SCHIP1: variants seen among roughly 807,000 people sequenced by gnomAD.
SCHIP1 encodes the protein schwannomin-interacting protein 1.
Under a neutral mutation model 29.7 loss-of-function variants are expected in SCHIP1, and 8 were observed. The ratio of observed to expected loss-of-function variants is 0.27; its 90% CI spans 0.16 to 0.49. The LOEUF is 0.49. Ranked by LOEUF, SCHIP1 falls within the 20% of genes least tolerant of loss-of-function variation. SCHIP1 has a pLI of 0.99. For missense variants in SCHIP1, 193 were observed against 294.6 expected (o/e 0.66, Z 2.52); for synonymous variants, 76 against 94.9 (o/e 0.80, Z 1.16).
chr3:159,812,513 C>T, the SCHIP1 span, among the ~76,000 whole-genome samples: 27 of 152,190 alleles, frequency 1.8e-4, no homozygotes, highest in African/African-American at 6.3e-4. Context: ...TGGAGAAAAC[C>T]GAATTATTAC....
At chr3:159,510,811 C>T in the SCHIP1 span, among the ~76,000 whole-genome samples, 2 of 152,184 alleles carry the variant, frequency 1.3e-5, no homozygotes, top group Non-Finnish European at 2.9e-5. Flanking sequence ...ATGTTGCTGG[C>T]TGATCGTTCC....
chr3:159,696,912 C>T, the SCHIP1 span, among the ~76,000 whole-genome samples: 1 of 152,192 alleles, frequency 6.6e-6, no homozygotes, highest in African/African-American at 2.4e-5. Flanking sequence ...AGGGCACTGG[C>T]AAGACAGCAA....
At chr3:159,546,627 G>A in the SCHIP1 span, among the ~76,000 whole-genome samples, 26,317 of 152,062 alleles carry the variant, frequency 0.17, 2,538 homozygotes, top group South Asian at 0.35. Context: ...CTGTGTCCAC[G>A]TGTTCTCATT....
chr3:159,764,263 A>G, the SCHIP1 span: 1 of 600,240 alleles, frequency 1.7e-6, no homozygotes, highest in Non-Finnish European at 2.7e-6. The surrounding 1 kb of genome is among the most constrained non-coding windows in gnomAD (Gnocchi z 6.1). Flanking sequence ...GCGAGAGGAA[A>G]GGCGGGCAGG....
the SCHIP1 span, among the ~76,000 whole-genome samples, chr3:159,407,210 T>G: frequency 1.3e-5 from 2 of 152,092 alleles, no homozygotes; most frequent in Non-Finnish European, 2.9e-5. Context: ...TCTATGTCAG[T>G]GGAAACCAAA....
the SCHIP1 span, among the ~76,000 whole-genome samples, chr3:159,772,711 C>T: frequency 8.5e-5 from 13 of 152,224 alleles, no homozygotes; most frequent in South Asian, 2.5e-3. Flanking sequence ...AAAGCTTATC[C>T]AAATGCTGTG....
At chr3:159,676,762 T>C in the SCHIP1 span, among the ~76,000 whole-genome samples, 2 of 152,186 alleles carry the variant, frequency 1.3e-5, no homozygotes, top group African/African-American at 2.4e-5. Context: ...CTGGGCTGTA[T>C]GCTCCAAGCT....
At chr3:159,437,532 C>G in the SCHIP1 span, among the ~76,000 whole-genome samples, 7 of 152,110 alleles carry the variant, frequency 4.6e-5, no homozygotes, top group African/African-American at 1.7e-4. Context: ...CTCCTTACCA[C>G]CACTTCTTAG....
chr3:159,638,248 T>G, the SCHIP1 span, among the ~76,000 whole-genome samples: 5 of 152,230 alleles, frequency 3.3e-5, no homozygotes, highest in East Asian at 9.6e-4. Context: ...GGATAACCTC[T>G]AAGGTCTCTC....
chr3:159,471,138 A>C, the SCHIP1 span, among the ~76,000 whole-genome samples: 3 of 152,122 alleles, frequency 2.0e-5, no homozygotes, highest in East Asian at 1.9e-4. Flanking sequence ...ACACACACAC[A>C]CCCCTAAAAA....
chr3:159,891,517 A>C (rs1195766502), intron 5 of SCHIP1, among the ~76,000 whole-genome samples: 4 of 152,164 alleles, frequency 2.6e-5, no homozygotes, highest in Non-Finnish European at 1.5e-5. Flanking sequence ...TAGAAATTTC[A>C]GGGGTTATTT....
the SCHIP1 span, among the ~76,000 whole-genome samples, chr3:159,480,501 T>C: frequency 6.6e-6 from 1 of 152,192 alleles, no homozygotes; most frequent in East Asian, 1.9e-4. Flanking sequence ...CTTGGAATAA[T>C]TTAATCTTAC....
chr3:159,335,686 T>C, the SCHIP1 span, among the ~76,000 whole-genome samples: 1 of 152,350 alleles, frequency 6.6e-6, no homozygotes, highest in East Asian at 1.9e-4. Context: ...TCATTTTTTA[T>C]GGCTGCATAG....
At chr3:159,444,608 A>C in the SCHIP1 span, among the ~76,000 whole-genome samples, 2 of 152,330 alleles carry the variant, frequency 1.3e-5, no homozygotes, top group Middle Eastern at 3.4e-3. Flanking sequence ...CATACTCTGA[A>C]AGAACTTATA....
chr3:159,525,199 T>C, the SCHIP1 span, among the ~76,000 whole-genome samples: 1 of 152,214 alleles, frequency 6.6e-6, no homozygotes, highest in Non-Finnish European at 1.5e-5. Flanking sequence ...GTAATACCAG[T>C]TGTTCCAATG....
the SCHIP1 span, among the ~76,000 whole-genome samples, chr3:159,422,471 C>T: frequency 1.3e-5 from 2 of 152,148 alleles, no homozygotes; most frequent in Non-Finnish European, 1.5e-5. Flanking sequence ...CTTTTATTGA[C>T]ATTTGTTGTT....
chr3:159,896,683 C>G, intron 6 of SCHIP1, 40 bp from the exon 8 acceptor site: 1 of 1,567,588 alleles, frequency 6.4e-7, no homozygotes, highest in South Asian at 1.2e-5. Flanking sequence ...GTTTGGATCT[C>G]TCTACATGAT....
At chr3:159,890,779 T>C (rs981903933) in intron 5 of SCHIP1, among the ~76,000 whole-genome samples, 1 of 152,168 alleles carries the variant, frequency 6.6e-6, no homozygotes, top group Non-Finnish European at 1.5e-5. Context: ...ATTTTTTTTT[T>C]TGGGGGGCTC....
chr3:159,719,475 G>A, the SCHIP1 span, among the ~76,000 whole-genome samples: 14 of 152,046 alleles, frequency 9.2e-5, no homozygotes, highest in Admixed American at 7.2e-4. Context: ...AATTTTTGCA[G>A]TCTACCCATC....
Sources: gnomAD v4.1 joint callset for allele counts (sites outside exome capture counted in the v4.1 genomes callset) on GRCh38, gnomAD v4.1.1 for gene constraint, Gnocchi (gnomAD v3.1) non-coding constraint, MANE v1.5 for transcripts, NCBI Gene and HGNC (gene_info 2026-07-23, HGNC 2026-07-21) for gene names.